ZDHHC11B: variants seen among roughly 807,000 people sequenced by gnomAD.
ZDHHC11B encodes the protein zDHHC palmitoyltransferase 11B (putative).
Under a neutral mutation model 42.3 loss-of-function variants are expected in ZDHHC11B, and 17 were observed. That is an observed-to-expected ratio of 0.40 (90% confidence interval 0.27 to 0.60). ZDHHC11B has a LOEUF of 0.60. ZDHHC11B is among the 20% of genes least tolerant of loss of function. ZDHHC11B has a pLI of 0.41. For missense variants in ZDHHC11B, 262 were observed against 463.2 expected (o/e 0.57, Z 3.99); for synonymous variants, 123 against 193.5 (o/e 0.64, Z 3.02).
intron 1 of ZDHHC11B, among the ~76,000 whole-genome samples, chr5:783,633 C>G (rs1340247118): frequency 1.3e-5 from 2 of 150,400 alleles, no homozygotes; most frequent in Admixed American, 1.3e-4. Flanking sequence ...CCCCCCAACC[C>G]CCATCAAAAC....
At chr5:713,837 C>T (rs865844596) in intron 13 of ZDHHC11B, among the ~76,000 whole-genome samples, 17 of 151,634 alleles carry the variant, frequency 1.1e-4, no homozygotes, top group Admixed American at 2.6e-4. Context: ...GGGTACCGCC[C>T]TCTGGGGGCC....
At chr5:778,142 G>A (rs191404110) in intron 1 of ZDHHC11B, among the ~76,000 whole-genome samples, 252 of 151,894 alleles carry the variant, frequency 1.7e-3, no homozygotes, top group African/African-American at 5.8e-3. Flanking sequence ...GCTGTCCAAG[G>A]CCCAAGTGAG....
At position 766,146 on chromosome 5, in the gene ZDHHC11B, C is replaced by T. The variant is rs1010918366; in HGVS notation, c.222+552G>A. 2.2e-4 allele frequency among the ~76,000 whole-genome samples: 34 copies of T among 151,934 alleles called. 2 individuals are homozygous for T. Among genetic ancestry groups the T allele is most frequent in the East Asian group, 3.9e-4 (2 of 5,180 alleles). On this transcript the variant is annotated intron_variant, in intron 4 of 13. Coordinates refer to ENST00000508859, the MANE Select transcript of ZDHHC11B (RefSeq NM_001351303.2). ...CCATGGACATGCACCCTGGGAGATG[C>T]GAGCAGACACAGGCTCCCACCCGCT...
chr5:754,143 C>G (rs1278029633), intron 6 of ZDHHC11B, among the ~76,000 whole-genome samples: 17 of 131,354 alleles, frequency 1.3e-4, no homozygotes, highest in African/African-American at 3.7e-4. Context: ...GGGGAAACAC[C>G]TCTCATCTAT....
At chr5:772,444 T>C (rs1217869167) in intron 1 of ZDHHC11B, among the ~76,000 whole-genome samples, 1 of 151,934 alleles carries the variant, frequency 6.6e-6, no homozygotes, top group African/African-American at 2.4e-5. Flanking sequence ...TGCTTCGGGC[T>C]GGGACTTGGA....
intron 1 of ZDHHC11B, among the ~76,000 whole-genome samples, chr5:769,573 G>A (rs1735798421): frequency 1.3e-5 from 2 of 151,882 alleles, no homozygotes; most frequent in South Asian, 4.2e-4. Flanking sequence ...GAATCTAGAG[G>A]CAACCCGTGC....
At chr5:773,361 G>A (rs1180497325) in intron 1 of ZDHHC11B, among the ~76,000 whole-genome samples, 1 of 151,866 alleles carries the variant, frequency 6.6e-6, no homozygotes, top group Non-Finnish European at 1.5e-5. Context: ...TTCACCGTGA[G>A]GGAAAAGAAG....
chr5:765,888 C>G (rs940583058), intron 4 of ZDHHC11B, among the ~76,000 whole-genome samples: 7 of 152,046 alleles, frequency 4.6e-5, no homozygotes, highest in African/African-American at 9.6e-5. Flanking sequence ...AGACCAAGAA[C>G]CCACCAGTTC....
intron 4 of ZDHHC11B, among the ~76,000 whole-genome samples, chr5:759,263 G>A (rs1483471446): frequency 7.2e-5 from 11 of 151,822 alleles, no homozygotes; most frequent in African/African-American, 2.2e-4. Flanking sequence ...CACACCCTGC[G>A]CCCTTTGTTA....
intron 12 of ZDHHC11B, among the ~76,000 whole-genome samples, chr5:722,941 A>G (rs1268168870): frequency 1.3e-5 from 2 of 151,666 alleles, no homozygotes; most frequent in African/African-American, 2.4e-5. Context: ...AAAAAAATGA[A>G]AAAGTATTCA....
chr5:742,821 T>C (rs1414461152), intron 9 of ZDHHC11B, among the ~76,000 whole-genome samples: 2 of 148,886 alleles, frequency 1.3e-5, no homozygotes, highest in African/African-American at 4.9e-5. Flanking sequence ...GAAGAGCAAA[T>C]ATTTTCAATT....
intron 6 of ZDHHC11B, among the ~76,000 whole-genome samples, chr5:752,430 G>A (rs1196368895): frequency 1.1e-5 from 1 of 92,938 alleles, no homozygotes; most frequent in East Asian, 4.4e-4. Flanking sequence ...ATTCTGGGCA[G>A]CAGTTCCTGG....
At chr5:757,352 T>C (rs1697954) in intron 4 of ZDHHC11B, among the ~76,000 whole-genome samples, 72,230 of 149,108 alleles carry the variant, frequency 0.48, 12,548 homozygotes, top group East Asian at 0.68. Context: ...AAAAGCCACG[T>C]AGGGATTTTA....
chr5:765,686 C>T (rs1425615916), intron 4 of ZDHHC11B, among the ~76,000 whole-genome samples: 5 of 151,946 alleles, frequency 3.3e-5, no homozygotes, highest in East Asian at 3.9e-4. Context: ...TGGCTCCGCA[C>T]TGCCTTTATG....
rs375628663 is a variant in ZDHHC11B, at chr5:783,909, C to G, written c.-230+759G>C. On this transcript the variant is annotated intron_variant, in intron 1 of 13. Transcript: ENST00000508859. Reference sequence around the variant, plus strand: ...CCTAAACGCTTATCAAAACAGCAGCCCCGCCACTGCCCGGGAGGGACAGGC... The same window carrying G: ...CCTAAACGCTTATCAAAACAGCAGCGCCGCCACTGCCCGGGAGGGACAGGC... Among the ~76,000 whole-genome samples, 28 of 149,926 alleles carry G rather than the reference C, an allele frequency of 1.9e-4. 1 individual carries two copies. Among genetic ancestry groups the G allele is most frequent in the African/African-American group, 6.4e-4 (26 of 40,880 alleles).
At chr5:731,785 G>A (rs1579274315) in intron 11 of ZDHHC11B, among the ~76,000 whole-genome samples, 1 of 151,812 alleles carries the variant, frequency 6.6e-6, no homozygotes, top group African/African-American at 2.4e-5. Flanking sequence ...AGACTCCGGA[G>A]ATATTCTAGG....
chr5:765,456 C>A (rs1202618518), intron 4 of ZDHHC11B, among the ~76,000 whole-genome samples: 1 of 151,896 alleles, frequency 6.6e-6, no homozygotes, highest in African/African-American at 2.4e-5. Context: ...TGTAAACACA[C>A]CAATCAGCAC....
At chr5:765,651 A>G (rs1490512777) in intron 4 of ZDHHC11B, among the ~76,000 whole-genome samples, 1 of 151,862 alleles carries the variant, frequency 6.6e-6, no homozygotes, top group African/African-American at 2.4e-5. Context: ...GCTCTTTGCA[A>G]TACATCTTGC....
Position 710,421 on chromosome 5 carries a change from A to G in ZDHHC11B, c.*1869T>C. 1 of 154,122 alleles carries G rather than the reference A, an allele frequency of 6.5e-6. No individual in the cohort carries two copies. Among genetic ancestry groups the G allele is most frequent in the East Asian group, 1.9e-4 (1 of 5,326 alleles). 9.5% of individuals were successfully genotyped at this position (154,122 alleles called of 1,614,324 possible). On this transcript the variant is annotated 3_prime_UTR_variant, in exon 14 of 14. Transcript: ENST00000508859. ...CTTTTAAAATATGACTACTAAACAG[A>G]CTAAAACGCAGAGTTCATTAAAATA...
Sources: gnomAD v4.1 joint callset for allele counts (sites outside exome capture counted in the v4.1 genomes callset) on GRCh38, gnomAD v4.1.1 for gene constraint, MANE v1.5 for transcripts, NCBI Gene and HGNC (gene_info 2026-07-23, HGNC 2026-07-21) for gene names.